TDRD9: variants seen among roughly 807,000 people sequenced by gnomAD.
TDRD9 encodes the protein tudor domain containing 9.
A neutral mutation model predicts 172.6 loss-of-function variants in TDRD9; 124 were observed. The ratio of observed to expected loss-of-function variants is 0.72; its 90% CI spans 0.62 to 0.83. The LOEUF is 0.83. Among genes scored for constraint, TDRD9 ranks in the 40% least tolerant of loss-of-function variants. The pLI is 0.00. For missense variants in TDRD9, 1,479 were observed against 1,714.1 expected, an observed-to-expected ratio of 0.86 and a Z score of 2.42; for synonymous variants, 619 against 617.1, an observed-to-expected ratio of 1.00 and a Z score of -0.05.
At chr14:104,002,886 A>G (rs755365398) in intron 13 of TDRD9, among the ~76,000 whole-genome samples, 14 of 151,974 alleles carry the variant, frequency 9.2e-5, no homozygotes, top group Non-Finnish European at 1.9e-4. Context: ...GCGCACCCCT[A>G]TGCCTGTCTA....
intron 35 of TDRD9, among the ~76,000 whole-genome samples, chr14:104,050,180 C>T (rs975277824): frequency 8.5e-5 from 13 of 152,194 alleles, no homozygotes; most frequent in Non-Finnish European, 1.3e-4. Context: ...TTGTGAGGAC[C>T]TCTGAGGGAC....
chr14:104,051,920 A>T, intron 35 of TDRD9, 61 bp from the exon 36 acceptor site: 1 of 1,099,732 alleles, frequency 9.1e-7, no homozygotes. Context: ...ATGCATGTGT[A>T]TTTTATGTCT....
At position 103,928,668 on chromosome 14, in the gene TDRD9, G is replaced by A; in HGVS notation, c.159G>A (p.Ala53=). ...ACGTGGCCCCCGGCGCTGGTCCCGC[G>A]GCCCAGGCTCCGGCTCTGGCCCAAG... ...RQDVAPGAGP[A]AQAPALAQAP... The change falls in exon 1 of 36, where the codon GCG becomes GCA. Residue 53 remains alanine, a synonymous_variant. Coordinates refer to ENST00000409874, the MANE Select transcript of TDRD9 (RefSeq NM_153046.3). 2.4e-6 allele frequency: 3 copies of A among 1,236,866 alleles called. No homozygotes were observed. The highest frequency in any genetic ancestry group is 3.1e-6 in the Non-Finnish European group (3 of 979,290). 76.6% of individuals were successfully genotyped at this position (1,236,866 alleles called of 1,614,324 possible).
chr14:103,992,191 A>G (rs979734639), intron 9 of TDRD9, among the ~76,000 whole-genome samples: 6 of 152,334 alleles, frequency 3.9e-5, no homozygotes, highest in Admixed American at 1.3e-4. Context: ...GTTAAATTGT[A>G]CTTTTTCAAA....
chr14:103,983,056 C>CTTTTTTT (rs397853010), intron 7 of TDRD9, among the ~76,000 whole-genome samples: 2 of 87,616 alleles, frequency 2.3e-5, no homozygotes, highest in African/African-American at 9.3e-5. Flanking sequence ...CTGTGGGTCA[C>CTTTTTTT]TTTTTTTTTT....
intron 23 of TDRD9, among the ~76,000 whole-genome samples, chr14:104,021,859 A>G (rs1289555708): frequency 6.6e-6 from 1 of 152,220 alleles, no homozygotes; most frequent in Non-Finnish European, 1.5e-5. Context: ...GAAAGTAATT[A>G]TGAAGTAAGA....
rs574503242 is a variant in TDRD9, at chr14:103,966,006, G to A, written c.642+452G>A. On this transcript the variant is annotated intron_variant, in intron 4 of 35. Transcript: ENST00000409874. ...CAGCTGCTTATAGAAGAGAACTGTG[G>A]CATAATTTTAAAAAGCAGTGAAACA... is the stretch of plus-strand genomic sequence containing the variant. 2.0e-5 allele frequency among the ~76,000 whole-genome samples: 3 copies of A among 152,094 alleles called. No homozygotes were observed. In the South Asian group the frequency reaches 6.2e-4, roughly 32 times the overall value.
intron 29 of TDRD9, 109 bp from the exon 30 acceptor site, chr14:104,031,903 AATGAG>A: frequency 1.4e-6 from 1 of 701,500 alleles, no homozygotes; most frequent in South Asian, 2.2e-5. Context: ...AGACATTATG[AATGAG>A]ATGTCTTTTT....
chr14:104,044,152 A>G (rs966536628), intron 34 of TDRD9, among the ~76,000 whole-genome samples: 17 of 152,150 alleles, frequency 1.1e-4, no homozygotes, highest in Admixed American at 9.2e-4. Flanking sequence ...GACCGCTGCC[A>G]GTCACTAGAG....
rs1326300080 is a variant in TDRD9, at chr14:103,991,725, TA to T, written c.1180+507del. ...TGTGCCCGGCCAACCCTTGTATTTC[TA>T]AAAAAGATTTCTTATTAATAATTAA... is the stretch of plus-strand genomic sequence containing the variant. On this transcript the variant is annotated intron_variant, in intron 9 of 35. Coordinates refer to ENST00000409874, the MANE Select transcript of TDRD9 (RefSeq NM_153046.3). 2.6e-5 allele frequency among the ~76,000 whole-genome samples: 4 copies of T among 151,384 alleles called. No individual in the cohort carries two copies. The Admixed American group carries it at 2.6e-4, about 10-fold the overall frequency.
At chr14:103,958,651 A>T (rs2032359222) in intron 2 of TDRD9, among the ~76,000 whole-genome samples, 1 of 152,228 alleles carries the variant, frequency 6.6e-6, no homozygotes, top group Admixed American at 6.5e-5. Flanking sequence ...TACAAGGAAG[A>T]GGCCATGAGC....
chr14:103,932,594 A>T (rs1416333700), intron 1 of TDRD9, among the ~76,000 whole-genome samples: 1 of 152,036 alleles, frequency 6.6e-6, no homozygotes, highest in Non-Finnish European at 1.5e-5. Flanking sequence ...TCACCGTGTT[A>T]GCCAGGATGG....
At chr14:103,998,211 C>T (rs1595965022) in intron 12 of TDRD9, among the ~76,000 whole-genome samples, 1 of 146,422 alleles carries the variant, frequency 6.8e-6, no homozygotes, top group East Asian at 2.1e-4. Flanking sequence ...CACACCCATC[C>T]AGACACACAC....
rs2034192650 is a variant in TDRD9, at chr14:103,999,677, TCA to T, written c.1483+950_1483+951del. Reference sequence around the variant, plus strand: ...TGGGAAGGGTAGATAAAAGACCATTTCAAGAATACTAAAATACTAAATACACC... The same window carrying T: ...TGGGAAGGGTAGATAAAAGACCATTTAGAATACTAAAATACTAAATACACC... On this transcript the variant is annotated intron_variant, in intron 13 of 35. Transcript: ENST00000409874. 5.2e-5 allele frequency among the ~76,000 whole-genome samples: 6 copies of T among 114,850 alleles called. 1 individual carries two copies. Among genetic ancestry groups the T allele is most frequent in the Non-Finnish European group, 7.5e-5 (4 of 53,106 alleles). 75.3% of individuals were successfully genotyped at this position (114,850 alleles called of 152,430 possible).
At chr14:104,035,298 G>A (rs1449003641) in intron 32 of TDRD9, among the ~76,000 whole-genome samples, 2 of 152,100 alleles carry the variant, frequency 1.3e-5, no homozygotes, top group Admixed American at 6.5e-5. Flanking sequence ...AGGCAAAAAA[G>A]GGGTAAAATA....
In TDRD9 at chr14:104,051,835, G is replaced by A. The variant is rs115109259; in HGVS notation, c.4048-146G>A. The A allele has an allele frequency of 2.8e-5, 15 of 541,554 alleles. No individual in the cohort carries two copies. The African/African-American group carries it at 2.9e-4, about 10-fold the overall frequency. 33.5% of individuals were successfully genotyped at this position (541,554 alleles called of 1,614,324 possible). A position where few individuals can be genotyped will look rare whatever the true frequency, so the allele number is the denominator to read the frequency against. On this transcript the variant is annotated intron_variant, in intron 35 of 35. Coordinates refer to ENST00000409874, the MANE Select transcript of TDRD9 (RefSeq NM_153046.3). ...AAATGAATTATCAAACCTATAGTAT[G>A]AAGTGTGAGAGTAGAGAAGTGTTCT...
intron 5 of TDRD9, among the ~76,000 whole-genome samples, chr14:103,968,428 A>C (rs1391084493): frequency 6.6e-6 from 1 of 152,246 alleles, no homozygotes; most frequent in East Asian, 1.9e-4. Flanking sequence ...ATACAAGAAC[A>C]AAAGTTGAAG....
At chr14:104,030,316 A>G (rs2035243762) in intron 28 of TDRD9, among the ~76,000 whole-genome samples, 1 of 152,204 alleles carries the variant, frequency 6.6e-6, no homozygotes, top group Non-Finnish European at 1.5e-5. Context: ...AACACGGTGA[A>G]ATCCCATCTC....
intron 1 of TDRD9, chr14:103,941,117 G>A: frequency 6.6e-7 from 1 of 1,523,606 alleles, no homozygotes; most frequent in Non-Finnish European, 8.8e-7. Flanking sequence ...GAGGGGAAAT[G>A]GTAATGAATA....
Sources: gnomAD v4.1 joint callset for allele counts (sites outside exome capture counted in the v4.1 genomes callset) on GRCh38, gnomAD v4.1.1 for gene constraint, MANE v1.5 for transcripts, NCBI Gene and HGNC (gene_info 2026-07-23, HGNC 2026-07-21) for gene names.